The following ANKRD29 variants were observed in gnomAD, a reference collection of about 807,000 sequenced individuals.
ANKRD29 encodes the protein ankyrin repeat domain-containing protein 29.
Under a neutral mutation model 38.0 loss-of-function variants are expected in ANKRD29, and 32 were observed. That is an observed-to-expected ratio of 0.84 (90% CI 0.64 to 1.13). The LOEUF (loss-of-function observed/expected upper bound fraction) is 1.13. ANKRD29 is among the 50% of genes most tolerant of loss of function. The pLI is 0.00. For synonymous variants in ANKRD29, 135 were observed against 152.4 expected (o/e 0.89, Z 0.84); for missense variants, 357 against 377.9 (o/e 0.94, Z 0.46).
At chr18:23,657,624 ACTTT>A (rs1225921195) in intron 1 of ANKRD29, among the ~76,000 whole-genome samples, 1 of 151,950 alleles carries the variant, frequency 6.6e-6, no homozygotes, top group Non-Finnish European at 1.5e-5. Context: ...CCACTAATCG[ACTTT>A]CTGTCTCTAT....
chr18:23,616,472 G>A, intron 8 of ANKRD29, among the ~76,000 whole-genome samples: 1 of 146,834 alleles, frequency 6.8e-6, no homozygotes, highest in Non-Finnish European at 1.5e-5. Flanking sequence ...AGCTATGATT[G>A]CATCACTGTA....
chr18:23,629,175 G>A (rs2059898394), intron 6 of ANKRD29, among the ~76,000 whole-genome samples: 1 of 152,216 alleles, frequency 6.6e-6, no homozygotes. Flanking sequence ...AGTAGAGACG[G>A]GGTTTCATCA....
At chr18:23,654,410 A>T (rs1457318804) in intron 1 of ANKRD29, among the ~76,000 whole-genome samples, 4 of 151,930 alleles carry the variant, frequency 2.6e-5, no homozygotes, top group Middle Eastern at 3.2e-3. Flanking sequence ...ACTTGAGCTC[A>T]GGAGTTCGAG....
intron 8 of ANKRD29, among the ~76,000 whole-genome samples, chr18:23,614,461 T>C (rs2059685837): frequency 6.6e-6 from 1 of 152,076 alleles, no homozygotes; most frequent in East Asian, 1.9e-4. Context: ...ATAGAATTCA[T>C]TTTCATAGAT....
chr18:23,604,818 C>T (rs533208645), intron 9 of ANKRD29, among the ~76,000 whole-genome samples: 10 of 152,274 alleles, frequency 6.6e-5, no homozygotes, highest in Admixed American at 2.6e-4. Flanking sequence ...CGTGAGCCAC[C>T]GTTCCTGGCC....
rs2059506640 is a variant in ANKRD29, at chr18:23,601,143, A to G, written c.*83T>C. The G allele has an allele frequency of 7.7e-7, 1 of 1,291,300 alleles. No homozygotes were observed. The highest frequency in any genetic ancestry group is 1.1e-6 in the Non-Finnish European group (1 of 916,204). 80.0% of individuals were successfully genotyped at this position (1,291,300 alleles called of 1,614,324 possible). On this transcript the variant is annotated 3_prime_UTR_variant, in exon 10 of 10. Coordinates refer to ENST00000592179, the MANE Select transcript of ANKRD29 (RefSeq NM_173505.4). ...TGGGCATCTTTTTTTTTCATAAAAG[A>G]ATTTCCAACACTGCTTGAAATGCAA...
At chr18:23,629,710 A>T (rs1413180212) in intron 6 of ANKRD29, 143 bp downstream of exon 6, 9 of 671,936 alleles carry the variant, frequency 1.3e-5, no homozygotes, top group Non-Finnish European at 1.8e-5. Context: ...CTAATCAAAG[A>T]TTAACTTTTC....
chr18:23,622,477 G>A (rs550060363), intron 6 of ANKRD29, among the ~76,000 whole-genome samples: 1 of 152,294 alleles, frequency 6.6e-6, no homozygotes, highest in South Asian at 2.1e-4. Flanking sequence ...TCAATGGCTT[G>A]GTCATTATTA....
chr18:23,632,533 G>GTGTATATATATATATATATATATATA (rs371646966), intron 5 of ANKRD29, among the ~76,000 whole-genome samples: 17 of 130,944 alleles, frequency 1.3e-4, no homozygotes, highest in African/African-American at 5.5e-4. Context: ...GTGTGTGTGT[G>GTGTATATATATATATATATATATATA]TATATATATA....
rs1308320154 is a variant in ANKRD29 at position 23,600,713 on chromosome 18, T to C, written c.*513A>G. The C allele has an allele frequency of 1.3e-5, 2 of 153,010 alleles. No individual in the cohort carries two copies. Among genetic ancestry groups the C allele is most frequent in the African/African-American group, 2.4e-5 (1 of 41,474 alleles). 9.5% of individuals were successfully genotyped at this position (153,010 alleles called of 1,614,324 possible). ...TGATTTATAACAATCATGGCTATGGTTCTTGGGTAGAGGAGAATGTTTTAT... is the reference window on the plus strand; with the variant it reads ...TGATTTATAACAATCATGGCTATGGCTCTTGGGTAGAGGAGAATGTTTTAT... On this transcript the variant is annotated 3_prime_UTR_variant, in exon 10 of 10. Transcript: ENST00000592179.
At chr18:23,629,736 G>A in intron 6 of ANKRD29, 117 bp downstream of exon 6, 1 of 734,056 alleles carries the variant, frequency 1.4e-6, no homozygotes, top group Admixed American at 2.4e-5. Context: ...AGAAGCAGAA[G>A]GGTTTAAAGG....
chr18:23,634,533 G>A (rs548937155), intron 4 of ANKRD29, among the ~76,000 whole-genome samples: 1 of 151,888 alleles, frequency 6.6e-6, no homozygotes, highest in African/African-American at 2.4e-5. Flanking sequence ...CAAGTGATCT[G>A]CCCACCGCGA....
Position 23,619,528 on chromosome 18 carries a change from C to G in ANKRD29, c.627+3G>C. On this transcript the variant is annotated splice_donor_region_variant and intron_variant, in intron 7 of 9. Coordinates refer to ENST00000592179, the MANE Select transcript of ANKRD29 (RefSeq NM_173505.4). ...TCTTTGGCCGCGCGACTCGGGCACTCACGTTCCGCGCAGCGTCGCGGTCGG... is the reference window on the plus strand; with the variant it reads ...TCTTTGGCCGCGCGACTCGGGCACTGACGTTCCGCGCAGCGTCGCGGTCGG... The G allele has an allele frequency of 6.3e-7, 1 of 1,587,686 alleles. No individual in the cohort carries two copies. Among genetic ancestry groups the G allele is most frequent in the South Asian group, 1.1e-5 (1 of 89,192 alleles).
intron 6 of ANKRD29, among the ~76,000 whole-genome samples, chr18:23,621,709 C>CT (rs1300503400): frequency 1.3e-5 from 2 of 152,058 alleles, no homozygotes; most frequent in Non-Finnish European, 2.9e-5. Flanking sequence ...AGACAGGACT[C>CT]TGTTACCTAG....
chr18:23,655,174 C>T (rs2060263088), intron 1 of ANKRD29, among the ~76,000 whole-genome samples: 1 of 140,530 alleles, frequency 7.1e-6, no homozygotes, highest in Non-Finnish European at 1.5e-5. Flanking sequence ...TAAGCCCCCC[C>T]ACTGACTGAG....
intron 1 of ANKRD29, among the ~76,000 whole-genome samples, chr18:23,650,814 T>C (rs2060201627): frequency 6.6e-6 from 1 of 152,226 alleles, no homozygotes; most frequent in South Asian, 2.1e-4. Flanking sequence ...CTATTTACTT[T>C]TCTTTACGAA....
chr18:23,631,947 GAA>G (rs888316381), intron 5 of ANKRD29, among the ~76,000 whole-genome samples: 2 of 152,126 alleles, frequency 1.3e-5, no homozygotes, highest in African/African-American at 4.8e-5. Context: ...CACCCTAGAG[GAA>G]AACACCTAGC....
At chr18:23,601,832 G>C (rs2059516717) in intron 9 of ANKRD29, among the ~76,000 whole-genome samples, 1 of 151,916 alleles carries the variant, frequency 6.6e-6, no homozygotes, top group Non-Finnish European at 1.5e-5. Context: ...ACTATGCTCG[G>C]CTAATTTCCA....
intron 9 of ANKRD29, among the ~76,000 whole-genome samples, chr18:23,604,349 G>T (rs2059549597): frequency 1.3e-5 from 2 of 152,130 alleles, no homozygotes; most frequent in African/African-American, 2.4e-5. Flanking sequence ...CCCTGGGTCT[G>T]GGGGGTGGTG....
Sources: allele counts gnomAD v4.1 joint callset (sites outside exome capture counted in the v4.1 genomes callset), GRCh38; gene constraint gnomAD v4.1.1; transcripts MANE v1.5; gene names NCBI Gene and HGNC (gene_info 2026-07-23, HGNC 2026-07-21).